RTKN: variants seen among roughly 807,000 people sequenced by gnomAD.
RTKN encodes rhotekin.
Under a neutral mutation model 63.5 loss-of-function variants are expected in RTKN, and 49 were observed. The observed-to-expected ratio is 0.77, with a 90% CI of 0.61 to 0.98. The LOEUF (loss-of-function observed/expected upper bound fraction) is 0.98. RTKN is among the 50% of genes least tolerant of loss of function. The pLI is 0.00. For synonymous variants in RTKN, 295 were observed against 290.4 expected, an observed-to-expected ratio of 1.02 and a Z score of -0.16; for missense variants, 685 against 740.8, an observed-to-expected ratio of 0.92 and a Z score of 0.87.
chr2:74,429,488 G>A (rs1670613450), intron 6 of RTKN, among the ~76,000 whole-genome samples: 1 of 152,190 alleles, frequency 6.6e-6, no homozygotes, highest in Admixed American at 6.5e-5. Context: ...ACTTTGGGAG[G>A]CCGAGGCGGG....
chr2:74,439,010 G>A (rs1467345576), intron 1 of RTKN, among the ~76,000 whole-genome samples: 2 of 152,214 alleles, frequency 1.3e-5, no homozygotes, highest in Non-Finnish European at 2.9e-5. Flanking sequence ...AGCGCAAGGT[G>A]CAGTGGCTCA....
intron 2 of RTKN, chr2:74,432,138 A>T (rs1176757579): frequency 4.5e-6 from 2 of 449,402 alleles, no homozygotes; most frequent in African/African-American, 4.0e-5. Flanking sequence ...CGTTGAGGAA[A>T]TTAATTTTCC....
intron 2 of RTKN, among the ~76,000 whole-genome samples, chr2:74,431,213 C>T (rs1254018731): frequency 1.3e-5 from 2 of 152,246 alleles, no homozygotes; most frequent in African/African-American, 4.8e-5. Context: ...GTTCCATTCA[C>T]TACAGACCCT....
intron 1 of RTKN, among the ~76,000 whole-genome samples, chr2:74,439,229 G>T (rs980606400): frequency 2.6e-5 from 4 of 152,332 alleles, no homozygotes; most frequent in African/African-American, 9.6e-5. Context: ...CATCCTTTCT[G>T]TAAACCTCTC....
intron 9 of RTKN, chr2:74,427,925 A>G (rs2103876403): frequency 1.0e-5 from 5 of 485,968 alleles, no homozygotes; most frequent in Admixed American, 3.4e-5. Flanking sequence ...GATAGGGAGC[A>G]AAGAAGGGCA....
rs1244840658 is a variant in RTKN at position 74,430,360 on chromosome 2, C to G, written c.437G>C (p.Arg146Pro). The G allele has an allele frequency of 1.2e-6, 2 of 1,614,174 alleles. No individual in the cohort carries two copies. Among genetic ancestry groups the G allele is most frequent in the African/African-American group, 2.7e-5 (2 of 75,064 alleles). Residue 146 changes from arginine (R) to proline (P), a missense_variant, in exon 5 of 12, where the codon CGC (arginine) becomes CCC (proline). Arg to Pro is a moderately radical substitution (Grantham distance 103). Transcript: ENST00000272430. ...CTGCAGCAGCAGGAACACAGCCCAG[C>G]GGTGCAAGTCTGGGGACAAAGGGCA... ...EYFKNKGDLH[R>P]WAVFLLLQLG...
chr2:74,433,270 A>G (rs2103902297), intron 1 of RTKN, among the ~76,000 whole-genome samples: 1 of 150,704 alleles, frequency 6.6e-6, no homozygotes, highest in South Asian at 2.1e-4. Context: ...ATATATATAT[A>G]TATAAAACAA....
chr2:74,426,370 T>A lies in RTKN; in HGVS notation c.1565A>T (p.Asp522Val), dbSNP rs747138128. ...PWGRPRTFSL[D>V]AVPPDHSPRA... Reference sequence around the variant, plus strand: ...AGGGGAGTGGTCTGGGGGGACAGCATCCAGGGAAAAGGTTCGGGGTCTCCC... The same window carrying A: ...AGGGGAGTGGTCTGGGGGGACAGCAACCAGGGAAAAGGTTCGGGGTCTCCC... The change falls in exon 12 of 12, where the codon GAT (aspartate) becomes GTT (valine). Residue 522 changes from aspartate to valine, a missense_variant. Asp to Val is a radical substitution (Grantham distance 152). Transcript: ENST00000272430. 1.9e-6 allele frequency: 3 copies of A among 1,611,272 alleles called. No homozygotes were observed. In the East Asian group the frequency reaches 6.7e-5, roughly 36 times the overall value.
At position 74,430,019 on chromosome 2, in the gene RTKN, G is replaced by A; in HGVS notation, c.564C>T (p.Asp188=). Residue 188 remains aspartate, a synonymous_variant, in exon 6 of 12, where the codon GAC becomes GAT. Transcript: ENST00000272430. ...CATACAGCTCTAACCGCAGTTCAAA[G>A]TCTGGCCCCGCCTCAGCGCTGGTGG... is the stretch of plus-strand genomic sequence containing the variant. ...SNVLFAEAGP[D]FELRLELYGA... 6.2e-7 allele frequency: 1 copy of A among 1,614,204 alleles called. No homozygotes were observed.
rs761928992 is a variant in RTKN, at chr2:74,428,279, CA to C, written c.1074del (p.Ile358MetfsTer18). 3 of 1,614,176 alleles carry C rather than the reference CA, an allele frequency of 1.9e-6. No individual in the cohort carries two copies. Among genetic ancestry groups the C allele is most frequent in the Non-Finnish European group, 2.5e-6 (3 of 1,180,034 alleles). On this transcript the variant is annotated frameshift_variant, in exon 9 of 12. Transcript: ENST00000272430. LOFTEE classifies it high-confidence loss of function. The stretch of plus-strand genomic sequence containing the variant: ...AAGGGACCCATCACCTTGTTGACAG[CA>C]ATAGTAAGCAGCGGCTCTTCCCCAG... Reference protein sequence around the residue: ...ADTGEEPLLTIAVNKETRVRA... With the variant: ...ADTGEEPLLTXAVNKETRVRA...
chr2:74,439,909 A>G, intron 1 of RTKN: 1 of 1,252,080 alleles, frequency 8.0e-7, no homozygotes, highest in African/African-American at 1.5e-5. Context: ...CCAGGAGGAA[A>G]GGCCAGCTGC....
At chr2:74,429,093 C>T (rs1482651213) in intron 6 of RTKN, 151 bp from the exon 7 acceptor site, 1 of 657,868 alleles carries the variant, frequency 1.5e-6, no homozygotes, top group East Asian at 2.7e-5. Flanking sequence ...ATTTACCGAG[C>T]TCCAGCTAAG....
chr2:74,428,894 T>A lies in RTKN; in HGVS notation c.804A>T (p.Ala268=), dbSNP rs765509261. 1.9e-6 allele frequency: 3 copies of A among 1,614,184 alleles called. No homozygotes were observed. The South Asian group carries it at 3.3e-5, about 18-fold the overall frequency. ...LLAHTTLTLA[A]VQDGFRTHDL... ...CATGTGTGCGGAATCCATCTTGCAC[T>A]GCTGCCAGGGTGAGTGTGGTGTGAG... The change falls in exon 7 of 12, where the codon GCA becomes GCT. Residue 268 remains alanine (A), a synonymous_variant. Coordinates refer to ENST00000272430, the MANE Select transcript of RTKN (RefSeq NM_001015055.2).
Position 74,441,858 on chromosome 2 carries a change from C to T in RTKN, c.-42G>A. The T allele has an allele frequency of 7.6e-7, 1 of 1,314,904 alleles. No individual in the cohort carries two copies. The allele number at this position is 1,314,904 out of a possible 1,614,324, so 81.5% of individuals were successfully genotyped here. ...CTTTGCCTGCTCAGTGCGCTCCCCG[C>T]GCCGCCCGGCTTAGCCTCCTCTCCT... On this transcript the variant is annotated 5_prime_UTR_variant, in exon 1 of 12. Coordinates refer to ENST00000272430, the MANE Select transcript of RTKN (RefSeq NM_001015055.2).
At chr2:74,431,996 T>G (rs1670775686) in intron 2 of RTKN, 1 of 270,042 alleles carries the variant, frequency 3.7e-6, no homozygotes, top group Non-Finnish European at 7.3e-6. Context: ...ATGCACAATC[T>G]AATTTGTTTG....
chr2:74,431,051 G>A, intron 2 of RTKN: 1 of 223,762 alleles, frequency 4.5e-6, no homozygotes, highest in Admixed American at 5.1e-5. Context: ...GGCTTAGAGG[G>A]GTCTCCAGTC....
chr2:74,427,518 A>G lies in RTKN; in HGVS notation c.1161T>C (p.Tyr387=). The change falls in exon 10 of 12, where the codon TAT becomes TAC. Residue 387 remains tyrosine, a synonymous_variant. Transcript: ENST00000272430. ...RPFTLSISNQ[Y]GDDEVTHTLQ... is the part of the protein sequence containing the mutation. The stretch of plus-strand genomic sequence containing the variant: ...GGGTGTGTGTCACCTCATCATCCCC[A>G]TACTGGTTACTGATGCTTAGGGTGA... The G allele has an allele frequency of 6.2e-7, 1 of 1,614,094 alleles. No individual in the cohort carries two copies. Among genetic ancestry groups the G allele is most frequent in the African/African-American group, 1.3e-5 (1 of 75,004 alleles).
chr2:74,439,950 C>G lies in RTKN; in HGVS notation c.111+1756G>C. On this transcript the variant is annotated intron_variant, in intron 1 of 11. Coordinates refer to ENST00000272430, the MANE Select transcript of RTKN (RefSeq NM_001015055.2). ...GGGCTCTAGGCACAGAGTGTCCAGT[C>G]TCGCTTTGGTGGCAGCTGTTCTCCC... 5 of 1,143,962 alleles carry G rather than the reference C, an allele frequency of 4.4e-6. No individual in the cohort carries two copies. In the South Asian group the frequency reaches 1.4e-4, roughly 31 times the overall value. The allele number at this position is 1,143,962 out of a possible 1,614,324, so 70.9% of individuals were successfully genotyped here.
intron 8 of RTKN, 78 bp downstream of exon 8, chr2:74,428,553 A>G (rs561539016): frequency 9.1e-6 from 14 of 1,539,768 alleles, no homozygotes; most frequent in African/African-American, 1.4e-5. Context: ...TTGATTTTTC[A>G]TTAGCTCTTC....
Sources: allele counts gnomAD v4.1 joint callset (sites outside exome capture counted in the v4.1 genomes callset), GRCh38; gene constraint gnomAD v4.1.1; transcripts MANE v1.5; gene names NCBI Gene and HGNC (gene_info 2026-07-23, HGNC 2026-07-21).